SLC24A3: variants seen among roughly 807,000 people sequenced by gnomAD.
SLC24A3 encodes sodium/potassium/calcium exchanger 3.
A neutral mutation model predicts 75.8 loss-of-function variants in SLC24A3; 28 were observed. The ratio of observed to expected loss-of-function variants is 0.37; its 90% CI spans 0.27 to 0.51. The LOEUF is 0.51. SLC24A3 is among the 20% of genes least tolerant of loss of function. The pLI is 0.94. For synonymous variants in SLC24A3, 372 were observed against 334.1 expected (o/e 1.11, Z -1.24); for missense variants, 663 against 847.8 (o/e 0.78, Z 2.71).
chr20:19,456,957 G>A (rs1568623298), intron 2 of SLC24A3, among the ~76,000 whole-genome samples: 1 of 152,306 alleles, frequency 6.6e-6, no homozygotes, highest in Non-Finnish European at 1.5e-5. Flanking sequence ...TTAATGACTT[G>A]GAAGCTTAAA....
chr20:19,715,512 T>C (rs1600355000), intron 15 of SLC24A3, among the ~76,000 whole-genome samples: 1 of 152,144 alleles, frequency 6.6e-6, no homozygotes, highest in East Asian at 1.9e-4. Context: ...GGCCAGCAAA[T>C]GGTTGACTCA....
At chr20:19,247,832 G>A (rs1982539974) in intron 1 of SLC24A3, among the ~76,000 whole-genome samples, 1 of 152,108 alleles carries the variant, frequency 6.6e-6, no homozygotes, top group African/African-American at 2.4e-5. Flanking sequence ...TATGTGATTT[G>A]CTTTTTAGAT....
chr20:19,321,467 G>GAAGGA (rs1173277990), intron 2 of SLC24A3, among the ~76,000 whole-genome samples: 1 of 152,124 alleles, frequency 6.6e-6, no homozygotes, highest in South Asian at 2.1e-4. Context: ...GAAAACATGT[G>GAAGGA]AAGGAAAGGA....
intron 2 of SLC24A3, among the ~76,000 whole-genome samples, 200 bp downstream of exon 2, chr20:19,281,287 T>G (rs1490038519): frequency 6.6e-6 from 1 of 152,198 alleles, no homozygotes; most frequent in Non-Finnish European, 1.5e-5. Context: ...CGTTTTCTAC[T>G]GGAGCTGGGG....
At chr20:19,543,694 C>T (rs1040119874) in intron 3 of SLC24A3, among the ~76,000 whole-genome samples, 4 of 152,202 alleles carry the variant, frequency 2.6e-5, no homozygotes, top group Non-Finnish European at 5.9e-5. Context: ...AGGATGAAAA[C>T]AGTCACCATG....
At chr20:19,513,195 A>C (rs1416857603) in intron 2 of SLC24A3, among the ~76,000 whole-genome samples, 2 of 152,236 alleles carry the variant, frequency 1.3e-5, no homozygotes, top group Non-Finnish European at 2.9e-5. Context: ...AGGAGGTCAC[A>C]GAAGGAAGAA....
intron 2 of SLC24A3, among the ~76,000 whole-genome samples, chr20:19,372,202 T>C (rs1986004571): frequency 6.6e-6 from 1 of 152,202 alleles, no homozygotes; most frequent in South Asian, 2.1e-4. Flanking sequence ...TTAGCTTCCA[T>C]ACCTTTGGTC....
At chr20:19,711,659 C>T (rs78357973) in intron 15 of SLC24A3, among the ~76,000 whole-genome samples, 6 of 149,800 alleles carry the variant, frequency 4.0e-5, no homozygotes, top group South Asian at 4.2e-4. Context: ...TTTTTTTTTT[C>T]GACAAGAGTT....
At chr20:19,505,705 A>G (rs1988452841) in intron 2 of SLC24A3, among the ~76,000 whole-genome samples, 1 of 152,168 alleles carries the variant, frequency 6.6e-6, no homozygotes, top group Non-Finnish European at 1.5e-5. Context: ...GGGTACTTAT[A>G]CACCCACCTT....
At chr20:19,318,184 A>G (rs1984627070) in intron 2 of SLC24A3, among the ~76,000 whole-genome samples, 1 of 152,132 alleles carries the variant, frequency 6.6e-6, no homozygotes, top group South Asian at 2.1e-4. Flanking sequence ...ATTATGCTCC[A>G]CTTGCCCACA....
chr20:19,327,257 C>A (rs762859203), intron 2 of SLC24A3, among the ~76,000 whole-genome samples: 5 of 152,146 alleles, frequency 3.3e-5, no homozygotes, highest in Non-Finnish European at 5.9e-5. Flanking sequence ...CACTCCATGG[C>A]GGGGCAGGGA....
At chr20:19,444,763 C>T (rs1385848399) in intron 2 of SLC24A3, among the ~76,000 whole-genome samples, 5 of 150,980 alleles carry the variant, frequency 3.3e-5, no homozygotes, top group Admixed American at 2.0e-4. Context: ...AAAGAACTAT[C>T]TTTTTGTTTT....
chr20:19,280,650 CACT>C (rs1983629360), intron 1 of SLC24A3, among the ~76,000 whole-genome samples: 2 of 152,234 alleles, frequency 1.3e-5, no homozygotes, highest in South Asian at 4.1e-4. Context: ...CTCAGCATGT[CACT>C]GGGAGCAGGG....
chr20:19,279,790 C>A (rs1236877305), intron 1 of SLC24A3, among the ~76,000 whole-genome samples: 1 of 152,190 alleles, frequency 6.6e-6, no homozygotes, highest in Non-Finnish European at 1.5e-5. Context: ...TTCTAATCTG[C>A]CACATGGATG....
chr20:19,434,458 A>G (rs771427271), intron 2 of SLC24A3, among the ~76,000 whole-genome samples: 1 of 152,254 alleles, frequency 6.6e-6, no homozygotes, highest in Non-Finnish European at 1.5e-5. Context: ...CACTGCAGGA[A>G]GAACATTTCA....
chr20:19,572,755 G>C (rs935547715), intron 3 of SLC24A3, among the ~76,000 whole-genome samples: 1 of 152,058 alleles, frequency 6.6e-6, no homozygotes, highest in African/African-American at 2.4e-5. Context: ...TCTCTCTAGT[G>C]ACTAGAATCA....
chr20:19,394,916 C>T (rs1986426942), intron 2 of SLC24A3, among the ~76,000 whole-genome samples: 1 of 152,142 alleles, frequency 6.6e-6, no homozygotes, highest in Non-Finnish European at 1.5e-5. Flanking sequence ...TATCTGTACC[C>T]ACATGTTCAC....
intron 16 of SLC24A3, among the ~76,000 whole-genome samples, chr20:19,720,269 A>G (rs551617466): frequency 1.3e-3 from 202 of 152,338 alleles, no homozygotes; most frequent in African/African-American, 4.7e-3. Flanking sequence ...GGCTGAGGCC[A>G]GATGAAGGAT....
intron 6 of SLC24A3, 37 bp from the exon 7 acceptor site, chr20:19,654,025 C>A: frequency 6.4e-7 from 1 of 1,559,898 alleles, no homozygotes; most frequent in Non-Finnish European, 8.8e-7. Context: ...TTTGTACAGT[C>A]TATATCCTGT....
Sources: gnomAD v4.1 joint callset for allele counts (sites outside exome capture counted in the v4.1 genomes callset) on GRCh38, gnomAD v4.1.1 for gene constraint, MANE v1.5 for transcripts, NCBI Gene and HGNC (gene_info 2026-07-23, HGNC 2026-07-21) for gene names.